The following ATP5F1B variants were observed in gnomAD, a reference collection of about 807,000 sequenced individuals.
ATP5F1B encodes the protein ATP synthase F1 subunit beta.
Under a neutral mutation model 45.9 loss-of-function variants are expected in ATP5F1B, and 17 were observed. That is an observed-to-expected ratio of 0.37 (90% CI 0.25 to 0.56). The LOEUF is 0.56. Ranked by LOEUF, ATP5F1B falls within the 20% of genes least tolerant of loss-of-function variation. The probability of loss-of-function intolerance (pLI) is 0.80; values close to 1 mark genes in which losing one functional copy is unlikely to be tolerated. For synonymous variants in ATP5F1B, 218 were observed against 256.5 expected (o/e 0.85, Z 1.43); for missense variants, 387 against 673.2 (o/e 0.57, Z 4.70).
rs187825298 is a variant in ATP5F1B at position 56,639,034 on chromosome 12, T to C, written c.1489+72A>G. 51 of 1,410,538 alleles carry C rather than the reference T, an allele frequency of 3.6e-5. No individual in the cohort carries two copies. In the Admixed American group the frequency reaches 8.0e-4, roughly 22 times the overall value. 87.4% of individuals were successfully genotyped at this position (1,410,538 alleles called of 1,614,324 possible). A position where few individuals can be genotyped will look rare whatever the true frequency, so the allele number is the denominator to read the frequency against. On this transcript the variant is annotated intron_variant, in intron 9 of 9. Coordinates refer to ENST00000262030, the MANE Select transcript of ATP5F1B (RefSeq NM_001686.4). The stretch of plus-strand genomic sequence containing the variant: ...ATATAATTAAGCATAGTATATTACA[T>C]ATATTGCTTGACGGTTGTTGGAATG...
In ATP5F1B at chr12:56,640,216, C is replaced by T. The variant is rs371658180; in HGVS notation, c.1075-24G>A. ...GCCTAAAGTGAGATCCCATGAAGAA[C>T]AGGAACCAAAGTAAATTTTTTTTTT... On this transcript the variant is annotated intron_variant, in intron 7 of 9. Coordinates refer to ENST00000262030, the MANE Select transcript of ATP5F1B (RefSeq NM_001686.4). The T allele has an allele frequency of 7.8e-5, 124 of 1,588,984 alleles. 1 individual carries two copies. In the African/African-American group the frequency reaches 1.6e-3, roughly 21 times the overall value.
chr12:56,643,789 T>C, intron 4 of ATP5F1B, 48 bp downstream of exon 4: 3 of 1,610,686 alleles, frequency 1.9e-6, no homozygotes, highest in Non-Finnish European at 2.5e-6. Context: ...TGTATGAGTT[T>C]TTCCTCCCAT....
At chr12:56,643,150 T>C in intron 5 of ATP5F1B, 1 of 487,190 alleles carries the variant, frequency 2.1e-6, no homozygotes, top group Non-Finnish European at 3.6e-6. Flanking sequence ...TGGGACTATC[T>C]ACCAAAAAGA....
intron 9 of ATP5F1B, among the ~76,000 whole-genome samples, chr12:56,638,795 T>C (rs1423721803): frequency 4.6e-5 from 7 of 152,026 alleles, no homozygotes; most frequent in African/African-American, 1.2e-4. Flanking sequence ...ACTTGGATGG[T>C]TGAGGCTGGA....
chr12:56,639,305 G>C lies in ATP5F1B; in HGVS notation c.1290C>G (p.Asp430Glu). ...CAATGATATCCTGGAGGGATTTGTA[G>C]TCCTATGAGAAAAAAGAAGACTGAG... Reference protein sequence around the residue: ...VARGVQKILQDYKSLQDIIAI... With the variant: ...VARGVQKILQEYKSLQDIIAI... Residue 430 changes from aspartate to glutamate, a missense_variant and splice_region_variant, in exon 9 of 10, where the codon GAC becomes GAG. Around this residue, in one of 6 missense-constraint regions of ATP5F1B, gnomAD observed 154 missense variants for 361.4 expected, o/e 0.43. Coordinates refer to ENST00000262030, the MANE Select transcript of ATP5F1B (RefSeq NM_001686.4). The C allele has an allele frequency of 2.5e-6, 4 of 1,612,492 alleles. No individual in the cohort carries two copies. The highest frequency in any genetic ancestry group is 3.4e-6 in the Non-Finnish European group (4 of 1,179,314).
intron 7 of ATP5F1B, among the ~76,000 whole-genome samples, chr12:56,641,997 A>AT (rs879325088): frequency 1.2e-3 from 176 of 151,060 alleles, no homozygotes; most frequent in African/African-American, 4.0e-3. Flanking sequence ...ACCTTCATTT[A>AT]TTTTTTTTTA....
intron 1 of ATP5F1B, 96 bp from the exon 2 acceptor site, chr12:56,645,449 G>T: frequency 7.4e-7 from 1 of 1,359,848 alleles, no homozygotes; most frequent in Non-Finnish European, 9.9e-7. Context: ...AAACTCAGCC[G>T]AAGTCAGGCC....
In ATP5F1B at chr12:56,645,824, G is replaced by C. The variant is rs774183285; in HGVS notation, c.127+13C>G. On this transcript the variant is annotated intron_variant, in intron 1 of 9. Coordinates refer to ENST00000262030, the MANE Select transcript of ATP5F1B (RefSeq NM_001686.4). ...GCAAAATGGAACGTTAGCTCCTAGA[G>C]AAAAGCACTTACCAGGATGGACCGC... 6.2e-7 allele frequency: 1 copy of C among 1,607,300 alleles called. No homozygotes were observed. Among genetic ancestry groups the C allele is most frequent in the Non-Finnish European group, 8.5e-7 (1 of 1,177,012 alleles).
rs756491836 is a variant in ATP5F1B, at chr12:56,645,871, G to A, written c.93C>T (p.Leu31=). 4.1e-5 allele frequency: 66 copies of A among 1,609,364 alleles called. No homozygotes were observed. Among genetic ancestry groups the A allele is most frequent in the Non-Finnish European group, 1.2e-5 (14 of 1,178,174 alleles). ...TPSASLPPAQ[L]LLRAAPTAVH... ...CCGCCGTCGGAGCGGCCCGCAGTAA[G>A]AGCTGAGCTGGGGGCAGCGACGCTG... Residue 31 remains leucine, a synonymous_variant, in exon 1 of 10, where the codon CTC becomes CTT. Transcript: ENST00000262030.
chr12:56,639,489 T>C (rs1951496335), intron 8 of ATP5F1B, 182 bp from the exon 9 acceptor site: 5 of 625,084 alleles, frequency 8.0e-6, no homozygotes, highest in Non-Finnish European at 1.4e-5. Context: ...AAATATTGCA[T>C]TCCGCCGGGC....
chr12:56,640,232 T>TC, intron 7 of ATP5F1B, 40 bp from the exon 8 acceptor site: 1 of 443,322 alleles, frequency 2.3e-6, no homozygotes, highest in East Asian at 1.1e-4. Context: ...CCAAAGTAAA[T>TC]TTTTTTTTTT....
In ATP5F1B at chr12:56,645,860, G is replaced by A. The variant is rs1565849178; in HGVS notation, c.104C>T (p.Ala35Val). 1 of 1,609,258 alleles carries A rather than the reference G, an allele frequency of 6.2e-7. No homozygotes were observed. Among genetic ancestry groups the A allele is most frequent in the Admixed American group, 1.7e-5 (1 of 59,296 alleles). ...ACCAGGATGGACCGCCGTCGGAGCG[G>A]CCCGCAGTAAGAGCTGAGCTGGGGG... ...SLPPAQLLLR[A>V]APTAVHPVRD... is the part of the protein sequence containing the mutation. Residue 35 changes from alanine (A) to valine (V), a missense_variant, in exon 1 of 10, where the codon GCC becomes GTC. By Grantham distance (64) the Ala-to-Val change is moderately conservative (BLOSUM62 0). Transcript: ENST00000262030.
At chr12:56,638,558 T>C (rs1951489030) in intron 9 of ATP5F1B, 135 bp from the exon 10 acceptor site, 1 of 716,390 alleles carries the variant, frequency 1.4e-6, no homozygotes, top group Non-Finnish European at 2.4e-6. Flanking sequence ...AAAGCTTAAA[T>C]TTCCCTCACA....
chr12:56,645,380 G>A (rs761533488), intron 1 of ATP5F1B, 27 bp from the exon 2 acceptor site: 12 of 1,602,922 alleles, frequency 7.5e-6, no homozygotes, highest in Non-Finnish European at 9.4e-6. Context: ...ATTGGAAGGA[G>A]CTGGGGTCAG....
intron 1 of ATP5F1B, among the ~76,000 whole-genome samples, chr12:56,645,560 T>C (rs766071129): frequency 1.3e-5 from 2 of 152,242 alleles, no homozygotes; most frequent in Non-Finnish European, 2.9e-5. Flanking sequence ...AGACCCCATT[T>C]TTCGAGAGTT....
In ATP5F1B at chr12:56,638,329, T is replaced by C. The variant is rs1339411899; in HGVS notation, c.1584A>G (p.Ser528=). ...AKADKLAEEH[S]S ...TACAGAGGACAAAGACCCCTCACGA[T>C]GAATGCTCTTCAGCCAGCTTATCAG... The change falls in exon 10 of 10, where the codon TCA becomes TCG. Residue 528 remains serine (S), a synonymous_variant. Transcript: ENST00000262030. 2 of 1,613,884 alleles carry C rather than the reference T, an allele frequency of 1.2e-6. No individual in the cohort carries two copies. The highest frequency in any genetic ancestry group is 1.7e-6 in the Non-Finnish European group (2 of 1,179,782).
At position 56,645,889 on chromosome 12, in the gene ATP5F1B, C is replaced by G. The variant is rs1951546194; in HGVS notation, c.75G>C (p.Ser25=). ...GCAGTAAGAGCTGAGCTGGGGGCAG[C>G]GACGCTGAAGGGGTGAGTCTCCGCA... is the stretch of plus-strand genomic sequence containing the variant. ...GALRRLTPSA[S]LPPAQLLLRA... The change falls in exon 1 of 10, where the codon TCG becomes TCC. Residue 25 remains serine (S), a synonymous_variant. Coordinates refer to ENST00000262030, the MANE Select transcript of ATP5F1B (RefSeq NM_001686.4). 1.2e-6 allele frequency: 2 copies of G among 1,607,962 alleles called. No individual in the cohort carries two copies. The highest frequency in any genetic ancestry group is 1.7e-6 in the Non-Finnish European group (2 of 1,177,560).
Position 56,642,345 on chromosome 12 carries a change from C to G in ATP5F1B, c.1074+113G>C. 6 of 1,453,892 alleles carry G rather than the reference C, an allele frequency of 4.1e-6. No individual in the cohort carries two copies. In the South Asian group the frequency reaches 5.0e-5, roughly 12 times the overall value. 90.1% of individuals were successfully genotyped at this position (1,453,892 alleles called of 1,614,324 possible). A position where few individuals can be genotyped will look rare whatever the true frequency, so the allele number is the denominator to read the frequency against. On this transcript the variant is annotated intron_variant, in intron 7 of 9. Transcript: ENST00000262030. ...CATACATACAGCTTTGTTCCCCAGG[C>G]TGATCTCTTGGGCTCAAGCAATCTT... is the stretch of plus-strand genomic sequence containing the variant.
chr12:56,638,475 C>T (rs747967529), intron 9 of ATP5F1B, 52 bp from the exon 10 acceptor site: 2 of 1,359,580 alleles, frequency 1.5e-6, no homozygotes, highest in African/African-American at 1.4e-5. Context: ...GGGATATCAA[C>T]TTTCTGCATC....
Sources: gnomAD v4.1 joint callset for allele counts (sites outside exome capture counted in the v4.1 genomes callset) on GRCh38, gnomAD v4.1.1 for gene constraint, gnomAD v4.1.1 regional missense constraint, MANE v1.5 for transcripts, NCBI Gene and HGNC (gene_info 2026-07-23, HGNC 2026-07-21) for gene names.